The following NTN1 variants were observed in gnomAD, a reference collection of about 807,000 sequenced individuals.
NTN1 encodes netrin 1.
A neutral mutation model predicts 54.2 loss-of-function variants in NTN1; 11 were observed. That is an observed-to-expected ratio of 0.20 (90% CI 0.13 to 0.34). NTN1 has a LOEUF of 0.34. Ranked by LOEUF, NTN1 falls within the 10% of genes least tolerant of loss-of-function variation. The pLI is 1.00. For synonymous variants in NTN1, 371 were observed against 382.0 expected (o/e 0.97, Z 0.33); for missense variants, 740 against 893.1 (o/e 0.83, Z 2.18).
chr17:9,145,039 G>A (rs965798188), intron 2 of NTN1, among the ~76,000 whole-genome samples: 4 of 152,214 alleles, frequency 2.6e-5, no homozygotes, highest in Non-Finnish European at 4.4e-5. Context: ...AGGACAGTGC[G>A]CCACCCCCCG....
At chr17:9,045,444 A>G (rs1015843062) in intron 2 of NTN1, among the ~76,000 whole-genome samples, 1 of 152,188 alleles carries the variant, frequency 6.6e-6, no homozygotes, top group South Asian at 2.1e-4. Flanking sequence ...GAGCATTTCC[A>G]TAGGCAGCTT....
At chr17:9,015,646 G>C in the NTN1 span, among the ~76,000 whole-genome samples, 1 of 151,944 alleles carries the variant, frequency 6.6e-6, no homozygotes, top group Non-Finnish European at 1.5e-5. Flanking sequence ...CATCCCAGTT[G>C]CACTGCAGTC....
rs1007711121 is a variant in NTN1 at position 9,240,302 on chromosome 17, TGGGGGCAGCCTGCCCTGGGGCCC to T, written c.*341_*363del. ...CTGGGCGCGGCCGCCGTGGAGGGGC[TGGGGGCAGCCTGCCCTGGGGCCC>T]GGGGGCGGGCGCAGAATCGCACAAC... On this transcript the variant is annotated 3_prime_UTR_variant, in exon 7 of 7. Coordinates refer to ENST00000173229, the MANE Select transcript of NTN1 (RefSeq NM_004822.3). The T allele has an allele frequency of 4.6e-5, 7 of 152,042 alleles. No homozygotes were observed. Among genetic ancestry groups the T allele is most frequent in the African/African-American group, 9.7e-5 (4 of 41,146 alleles). 9.4% of individuals were successfully genotyped at this position (152,042 alleles called of 1,614,324 possible).
Position 9,135,685 on chromosome 17 carries a change from T to G in NTN1, c.1019-27128T>G, listed in dbSNP as rs1053950141. Among the ~76,000 whole-genome samples the G allele has an allele frequency of 1.3e-5, 2 of 152,204 alleles. No individual in the cohort carries two copies. Among genetic ancestry groups the G allele is most frequent in the African/African-American group, 4.8e-5 (2 of 41,448 alleles). ...TGGACTCTTACTTCTTCTAAGCTGT[T>G]GTCTCATCTCCAGGTTGAGGTTCTA... is the stretch of plus-strand genomic sequence containing the variant. On this transcript the variant is annotated intron_variant, in intron 2 of 6. Transcript: ENST00000173229. This position sits in a 1 kb window ranked among gnomAD's most constrained non-coding sequence, Gnocchi z 4.4.
chr17:9,186,925 G>A (rs2142323447), intron 5 of NTN1, among the ~76,000 whole-genome samples: 1 of 152,218 alleles, frequency 6.6e-6, no homozygotes. Context: ...GCGAGGGGTT[G>A]TGGGGAGGGA....
chr17:9,169,908 G>A lies in NTN1; in HGVS notation c.1207+6907G>A, dbSNP rs780551913. Among the ~76,000 whole-genome samples the A allele has an allele frequency of 8.1e-4, 123 of 152,172 alleles. 2 individuals are homozygous for A. The highest frequency in any genetic ancestry group is 2.4e-3 in the Admixed American group (37 of 15,278). ...AAGAAATTCCTGGAGGATCTCCAGG[G>A]GTTCCTGTGCTTGAGCAGAAAAGAC... On this transcript the variant is annotated intron_variant, in intron 3 of 6. Transcript: ENST00000173229.
In NTN1 at chr17:9,241,508, C is replaced by A. The variant is rs1567750960; in HGVS notation, c.*1540C>A. Reference sequence around the variant, plus strand: ...CGGGCCTCTGGCCCACATCCTCACACCCGGCGCACTGAATTAAGAGGCCTG... The same window carrying A: ...CGGGCCTCTGGCCCACATCCTCACAACCGGCGCACTGAATTAAGAGGCCTG... On this transcript the variant is annotated 3_prime_UTR_variant, in exon 7 of 7. Coordinates refer to ENST00000173229, the MANE Select transcript of NTN1 (RefSeq NM_004822.3). The A allele has an allele frequency of 5.2e-5, 8 of 152,896 alleles. No individual in the cohort carries two copies. The highest frequency in any genetic ancestry group is 5.2e-4 in the Admixed American group (8 of 15,296). The allele number at this position is 152,896 out of a possible 1,614,324, so 9.5% of individuals were successfully genotyped here.
chr17:9,048,888 T>C (rs1473941035), intron 2 of NTN1, among the ~76,000 whole-genome samples: 1 of 152,210 alleles, frequency 6.6e-6, no homozygotes, highest in African/African-American at 2.4e-5. Flanking sequence ...ACTCCTGACC[T>C]CAGGTGATCC....
intron 2 of NTN1, among the ~76,000 whole-genome samples, chr17:9,027,774 A>T (rs2091876055): frequency 6.6e-6 from 1 of 152,112 alleles, no homozygotes; most frequent in South Asian, 2.1e-4. Flanking sequence ...CTATGAATTA[A>T]GGGGGTTTAG....
At chr17:9,055,004 T>C (rs577302807) in intron 2 of NTN1, among the ~76,000 whole-genome samples, 1 of 152,290 alleles carries the variant, frequency 6.6e-6, no homozygotes, top group Non-Finnish European at 1.5e-5. Flanking sequence ...AGGGTACACA[T>C]GCCCTCTTGG....
At chr17:9,027,986 A>G (rs1472846449) in intron 2 of NTN1, among the ~76,000 whole-genome samples, 1 of 152,116 alleles carries the variant, frequency 6.6e-6, no homozygotes, top group Non-Finnish European at 1.5e-5. Flanking sequence ...TTAGCTGGGC[A>G]TAGTGGCGGG....
At chr17:9,163,135 T>G in intron 3 of NTN1, 134 bp downstream of exon 3, 4 of 744,478 alleles carry the variant, frequency 5.4e-6, no homozygotes, top group Non-Finnish European at 6.3e-6. Context: ...CTCTCTCTCT[T>G]TCTCTCTCTG....
chr17:9,038,092 T>C (rs893117584), intron 2 of NTN1, among the ~76,000 whole-genome samples: 21 of 152,164 alleles, frequency 1.4e-4, no homozygotes, highest in Non-Finnish European at 2.4e-4. Context: ...GGCCCAAATA[T>C]GCAAATAAAT....
intron 2 of NTN1, among the ~76,000 whole-genome samples, chr17:9,095,340 A>T (rs571450888): frequency 1.3e-5 from 2 of 152,350 alleles, no homozygotes; most frequent in African/African-American, 4.8e-5. Flanking sequence ...TGTCATTTCA[A>T]TAAGAGGTTA....
At chr17:9,093,830 TG>T (rs2092121716) in intron 2 of NTN1, among the ~76,000 whole-genome samples, 2 of 152,082 alleles carry the variant, frequency 1.3e-5, no homozygotes, top group African/African-American at 2.4e-5. Context: ...AAAAATTAGC[TG>T]GGCGTGGTGG....
intron 2 of NTN1, among the ~76,000 whole-genome samples, chr17:9,156,202 G>A (rs1158009695): frequency 6.6e-6 from 1 of 151,790 alleles, no homozygotes; most frequent in Non-Finnish European, 1.5e-5. Context: ...GCCAATGGCT[G>A]GGGCCTGCAG....
At chr17:9,041,083 C>CT (rs918299799) in intron 2 of NTN1, among the ~76,000 whole-genome samples, 48 of 151,948 alleles carry the variant, frequency 3.2e-4, no homozygotes, top group African/African-American at 1.1e-3. Context: ...AAACTGTGCT[C>CT]TTTTTTTAAA....
In NTN1 at chr17:9,179,922, C is replaced by T. The variant is rs1206132646; in HGVS notation, c.1323C>T (p.Tyr441=). Residue 441 remains tyrosine (Y), a synonymous_variant, in exon 4 of 7, where the codon TAC becomes TAT. Coordinates refer to ENST00000173229, the MANE Select transcript of NTN1 (RefSeq NM_004822.3). ...CCTGCAACCGCTGCGCCAAAGGCTA[C>T]CAGCAGAGCCGCTCTCCCATCGCCC... ...GITCNRCAKG[Y]QQSRSPIAPC... 6.2e-7 allele frequency: 1 copy of T among 1,613,956 alleles called. No homozygotes were observed. The highest frequency in any genetic ancestry group is 8.5e-7 in the Non-Finnish European group (1 of 1,179,982).
At chr17:9,235,788 CCT>C (rs202123240) in intron 6 of NTN1, among the ~76,000 whole-genome samples, 2,233 of 150,648 alleles carry the variant, frequency 0.015, 49 homozygotes, top group African/African-American at 0.051. Context: ...CGCCCTGTCC[CCT>C]GTCACCCAGG....
Sources: allele counts gnomAD v4.1 joint callset (sites outside exome capture counted in the v4.1 genomes callset), GRCh38; gene constraint gnomAD v4.1.1; non-coding constraint Gnocchi (gnomAD v3.1); transcripts MANE v1.5; gene names NCBI Gene and HGNC (gene_info 2026-07-23, HGNC 2026-07-21).